Variants in SRBD1 observed in about 807,000 individuals in gnomAD.
SRBD1 encodes S1 RNA binding domain 1.
A neutral mutation model predicts 115.3 loss-of-function variants in SRBD1; 88 were observed. The ratio of observed to expected loss-of-function variants is 0.76; its 90% CI spans 0.64 to 0.91. The LOEUF is 0.91. SRBD1 is among the 40% of genes least tolerant of loss of function. The probability of loss-of-function intolerance (pLI) is 0.00; values close to 1 mark genes in which losing one functional copy is unlikely to be tolerated. For missense variants in SRBD1, 1,385 were observed against 1,177.4 expected (o/e 1.18, Z -2.58); for synonymous variants, 509 against 407.7 (o/e 1.25, Z -2.99).
intron 2 of SRBD1, 68 bp from the exon 3 acceptor site, chr2:45,602,151 G>A (rs1674114471): frequency 2.0e-6 from 3 of 1,512,744 alleles, no homozygotes; most frequent in Non-Finnish European, 2.7e-6. Flanking sequence ...AAAAAGAGAT[G>A]CAAGATTCTT....
chr2:45,436,745 T>C (rs555577396), intron 16 of SRBD1, among the ~76,000 whole-genome samples: 3 of 152,256 alleles, frequency 2.0e-5, no homozygotes, highest in Non-Finnish European at 4.4e-5. Flanking sequence ...ACCAGGTCTC[T>C]CCCTCAAGAC....
chr2:45,562,305 G>A (rs1365044121), intron 10 of SRBD1, among the ~76,000 whole-genome samples: 1 of 152,110 alleles, frequency 6.6e-6, no homozygotes, highest in African/African-American at 2.4e-5. Context: ...TCGGCTCACT[G>A]CAACCTCAGC....
Position 45,419,832 on chromosome 2 carries a change from G to A in SRBD1, c.2112C>T (p.Ser704=). ...AGATGTTAATATCCACTCCCACAAA[G>A]CTGACACATTCTTCTACAACACTGT... The part of the protein sequence containing the change: ...TLDSVVEECV[S]FVGVDINICS... The change falls in exon 17 of 21, where the codon AGC becomes AGT. Residue 704 remains serine (S), a synonymous_variant. Coordinates refer to ENST00000263736, the MANE Select transcript of SRBD1 (RefSeq NM_018079.5). 1.9e-6 allele frequency: 3 copies of A among 1,613,800 alleles called. No individual in the cohort carries two copies. In the South Asian group the frequency reaches 3.3e-5, roughly 18 times the overall value.
At chr2:45,573,178 C>A in intron 9 of SRBD1, 29 bp downstream of exon 9, 4 of 1,551,978 alleles carry the variant, frequency 2.6e-6, no homozygotes, top group Middle Eastern at 3.4e-4. Context: ...ATTACGAAAT[C>A]AGCATGCACA....
rs1468474172 is a variant in SRBD1 at position 45,392,217 on chromosome 2, T to C, written c.2698+728A>G. ...TCCTTTAAACCTTTTCAAAGAAGTATGTCTAACCATCTCAATGCAGCCTAA... is the reference window on the plus strand; with the variant it reads ...TCCTTTAAACCTTTTCAAAGAAGTACGTCTAACCATCTCAATGCAGCCTAA... On this transcript the variant is annotated intron_variant, in intron 20 of 20. Transcript: ENST00000263736. 1.3e-5 allele frequency among the ~76,000 whole-genome samples: 2 copies of C among 152,200 alleles called. 1 individual carries two copies. The highest frequency in any genetic ancestry group is 2.9e-5 in the Non-Finnish European group (2 of 68,040).
chr2:45,520,789 T>C (rs374444767), intron 14 of SRBD1, among the ~76,000 whole-genome samples: 4 of 152,270 alleles, frequency 2.6e-5, no homozygotes, highest in African/African-American at 9.6e-5. Context: ...ATCTTCCCAC[T>C]ATATCCCCTT....
intron 4 of SRBD1, among the ~76,000 whole-genome samples, chr2:45,590,862 C>T (rs6544837): frequency 0.012 from 1,804 of 152,108 alleles, 29 homozygotes; most frequent in African/African-American, 0.041. Flanking sequence ...ACTAAAAATA[C>T]AAAAATTAGC....
chr2:45,409,783 A>G (rs1667544907), intron 19 of SRBD1, among the ~76,000 whole-genome samples: 1 of 152,180 alleles, frequency 6.6e-6, no homozygotes, highest in African/African-American at 2.4e-5. Flanking sequence ...TGAAAAACAT[A>G]TAACACCTTT....
intron 4 of SRBD1, 46 bp from the exon 5 acceptor site, chr2:45,585,820 C>A: frequency 7.0e-7 from 1 of 1,422,226 alleles, no homozygotes. Flanking sequence ...GAAAATTAAA[C>A]ATCTATATCA....
intron 16 of SRBD1, among the ~76,000 whole-genome samples, chr2:45,461,910 T>C (rs1669328866): frequency 6.6e-6 from 1 of 152,210 alleles, no homozygotes; most frequent in South Asian, 2.1e-4. Flanking sequence ...AGTTCCCTAA[T>C]GCCCTAACGT....
intron 9 of SRBD1, 63 bp from the exon 10 acceptor site, chr2:45,562,819 T>C (rs760939463): frequency 1.8e-5 from 19 of 1,039,284 alleles, no homozygotes; most frequent in Non-Finnish European, 2.7e-5. Context: ...ATCAGGCGAC[T>C]ATGTAGCTGA....
intron 19 of SRBD1, among the ~76,000 whole-genome samples, chr2:45,399,936 A>G (rs972568047): frequency 5.3e-5 from 8 of 152,200 alleles, no homozygotes; most frequent in Admixed American, 3.9e-4. Flanking sequence ...GTATTTAAAA[A>G]CATACAGGCT....
chr2:45,553,799 A>C, intron 10 of SRBD1, 69 bp from the exon 11 acceptor site: 1 of 965,648 alleles, frequency 1.0e-6, no homozygotes, highest in Non-Finnish European at 1.5e-6. Flanking sequence ...GGCTCCCAAA[A>C]AGAAGGGAGA....
At position 45,574,527 on chromosome 2, in the gene SRBD1, G is replaced by A. The variant is rs912522607; in HGVS notation, c.1169+100C>T. 10 of 1,149,506 alleles carry A rather than the reference G, an allele frequency of 8.7e-6. No individual in the cohort carries two copies. In the Admixed American group the frequency reaches 2.6e-4, roughly 30 times the overall value. The allele number at this position is 1,149,506 out of a possible 1,614,324, so 71.2% of individuals were successfully genotyped here. A position where few individuals can be genotyped will look rare whatever the true frequency, so the allele number is the denominator to read the frequency against. On this transcript the variant is annotated intron_variant, in intron 8 of 20. Transcript: ENST00000263736. ...GTTTTGCTACTTTAAAAAAAAGTCT[G>A]AAAACAAAGTTTTTAATGAACATTG... is the stretch of plus-strand genomic sequence containing the variant.
chr2:45,538,616 T>C (rs1671838734), intron 14 of SRBD1, among the ~76,000 whole-genome samples: 1 of 152,196 alleles, frequency 6.6e-6, no homozygotes, highest in Non-Finnish European at 1.5e-5. Context: ...CTATGAGACC[T>C]GTCCATTATT....
At position 45,548,869 on chromosome 2, in the gene SRBD1, G is replaced by T. The variant is rs1219058781; in HGVS notation, c.1676-1257C>A. 3 of 152,354 alleles carry T rather than the reference G, an allele frequency of 2.0e-5. No homozygotes were observed. In the East Asian group the frequency reaches 5.8e-4, roughly 29 times the overall value. 9.4% of individuals were successfully genotyped at this position (152,354 alleles called of 1,614,324 possible). On this transcript the variant is annotated intron_variant, in intron 12 of 20. Coordinates refer to ENST00000263736, the MANE Select transcript of SRBD1 (RefSeq NM_018079.5). ...AAACCCCCACCCTCCAAAAAAGCAG[G>T]TGGGAACAATGTACTGACAAGACAC... is the stretch of plus-strand genomic sequence containing the variant.
chr2:45,421,023 T>C (rs112509729), intron 16 of SRBD1, among the ~76,000 whole-genome samples: 1,697 of 152,308 alleles, frequency 0.011, 11 homozygotes, highest in Non-Finnish European at 0.017. Context: ...ACTCCTTTTC[T>C]GAAAGGTCCT....
rs144133473 is a variant in SRBD1, at chr2:45,590,292, T to C, written c.649-4518A>G. Among the ~76,000 whole-genome samples, 5 of 152,330 alleles carry C rather than the reference T, an allele frequency of 3.3e-5. No individual in the cohort carries two copies. In the East Asian group the frequency reaches 9.6e-4, roughly 29 times the overall value. Reference sequence around the variant, plus strand: ...GAACTAACTCTGGGAGGAACTCAGTTTACAGTTTAGCTTTGAAACGAAGAC... The same window carrying C: ...GAACTAACTCTGGGAGGAACTCAGTCTACAGTTTAGCTTTGAAACGAAGAC... On this transcript the variant is annotated intron_variant, in intron 4 of 20. Transcript: ENST00000263736.
intron 10 of SRBD1, among the ~76,000 whole-genome samples, chr2:45,554,653 G>A (rs1380117402): frequency 1.3e-5 from 2 of 152,150 alleles, no homozygotes; most frequent in African/African-American, 4.8e-5. Context: ...AAGGACAAAT[G>A]TAGCCTCACT....
Sources: gnomAD v4.1 joint callset for allele counts (sites outside exome capture counted in the v4.1 genomes callset) on GRCh38, gnomAD v4.1.1 for gene constraint, MANE v1.5 for transcripts, NCBI Gene and HGNC (gene_info 2026-07-23, HGNC 2026-07-21) for gene names.